The following CDHR1 variants were observed in gnomAD, a reference collection of about 807,000 sequenced individuals.
CDHR1 encodes cadherin-related family member 1.
A neutral mutation model predicts 72.1 loss-of-function variants in CDHR1; 61 were observed. The observed-to-expected ratio is 0.85, with a 90% CI of 0.69 to 1.05. The LOEUF (loss-of-function observed/expected upper bound fraction) is 1.05, where lower values mean the gene tolerates loss of function less well. CDHR1 is among the 50% of genes least tolerant of loss of function. The pLI is 0.00. For missense variants in CDHR1, 1,186 were observed against 1,115.7 expected, an observed-to-expected ratio of 1.06 and a Z score of -0.90; for synonymous variants, 470 against 448.1, an observed-to-expected ratio of 1.05 and a Z score of -0.62.
rs145107347 is a variant in CDHR1, at chr10:84,196,348, G to T, written c.152-157G>T. Among the ~76,000 whole-genome samples, 483 of 152,346 alleles carry T rather than the reference G, an allele frequency of 3.2e-3. 1 individual carries two copies. The highest frequency in any genetic ancestry group is 5.6e-3 in the Non-Finnish European group (384 of 68,040). Reference sequence around the variant, plus strand: ...ACAAAGAGGGAAGCAGCCAGCAGGGGTGAGGCCAGCAATGAGCACCAAGTT... The same window carrying T: ...ACAAAGAGGGAAGCAGCCAGCAGGGTTGAGGCCAGCAATGAGCACCAAGTT... On this transcript the variant is annotated intron_variant, in intron 2 of 16. Transcript: ENST00000623527.
chr10:84,202,432 C>A (rs1479917161), intron 7 of CDHR1, among the ~76,000 whole-genome samples: 1 of 152,238 alleles, frequency 6.6e-6, no homozygotes, highest in African/African-American at 2.4e-5. Context: ...AAAACCCTAG[C>A]AGCCCCTCTA....
intron 8 of CDHR1, 53 bp from the exon 9 acceptor site, chr10:84,204,473 AG>A: frequency 8.3e-7 from 1 of 1,209,734 alleles, no homozygotes; most frequent in Non-Finnish European, 1.2e-6. Flanking sequence ...TTGTTTGGGG[AG>A]GGGAGGGTCC....
chr10:84,214,758 A>G lies in CDHR1; in HGVS notation c.*137A>G. 6.4e-7 allele frequency: 1 copy of G among 1,564,788 alleles called. No homozygotes were observed. The highest frequency in any genetic ancestry group is 8.6e-7 in the Non-Finnish European group (1 of 1,163,156). On this transcript the variant is annotated 3_prime_UTR_variant, in exon 17 of 17. Coordinates refer to ENST00000623527, the MANE Select transcript of CDHR1 (RefSeq NM_033100.4). Reference sequence around the variant, plus strand: ...CAATGGTATAATCCCCACTGTCCTCATCTCTACCGCCACCTTCTGGCGCAA... The same window carrying G: ...CAATGGTATAATCCCCACTGTCCTCGTCTCTACCGCCACCTTCTGGCGCAA...
rs144302622 is a variant in CDHR1 at position 84,208,278 on chromosome 10, G to C, written c.1068G>C (p.Glu356Asp). The change falls in exon 11 of 17, where the codon GAG (glutamate) becomes GAC (aspartate). Residue 356 changes from glutamate to aspartate, a missense_variant. Physicochemically the swap from Glu to Asp is conservative, Grantham distance 45. Transcript: ENST00000623527. ...LNNHPPTFYG[E>D]SGPQNRFELS... ...ACCACCCGCCAACATTCTATGGAGA[G>C]AGCGGACCCCAAAACAGGTTTGAGC... The C allele has an allele frequency of 8.7e-6, 14 of 1,614,024 alleles. No homozygotes were observed. The highest frequency in any genetic ancestry group is 1.6e-4 in the Middle Eastern group (1 of 6,084).
At chr10:84,196,384 C>A in intron 2 of CDHR1, 121 bp from the exon 3 acceptor site, 1 of 1,077,520 alleles carries the variant, frequency 9.3e-7, no homozygotes, top group Non-Finnish European at 1.4e-6. Context: ...CAGGGCAGTA[C>A]CTTTGGCACT....
Position 84,218,020 on chromosome 10 carries a change from G to A in CDHR1, c.*3399G>A, listed in dbSNP as rs1247549016. On this transcript the variant is annotated 3_prime_UTR_variant, in exon 17 of 17. Transcript: ENST00000623527. Reference sequence around the variant, plus strand: ...GGATTTCGGTGATTCTATTTTTAGGGACTGAAGGCGTTGAGGGAATCCAAG... The same window carrying A: ...GGATTTCGGTGATTCTATTTTTAGGAACTGAAGGCGTTGAGGGAATCCAAG... The A allele has an allele frequency of 1.0e-6, 1 of 985,402 alleles. No homozygotes were observed. The highest frequency in any genetic ancestry group is 1.2e-6 in the Non-Finnish European group (1 of 829,990). The allele number at this position is 985,402 out of a possible 1,614,324, so 61.0% of individuals were successfully genotyped here. A position where few individuals can be genotyped will look rare whatever the true frequency, so the allele number is the denominator to read the frequency against.
downstream of CDHR1, chr10:84,218,763 C>G (rs2132846790): frequency 1.0e-6 from 1 of 1,000,394 alleles, no homozygotes; most frequent in East Asian, 8.4e-5. Flanking sequence ...GCCCAGATAT[C>G]ATGTTATTAC....
chr10:84,201,091 T>G (rs1212579169), intron 6 of CDHR1, among the ~76,000 whole-genome samples: 1 of 152,226 alleles, frequency 6.6e-6, no homozygotes, highest in Non-Finnish European at 1.5e-5. Flanking sequence ...TCCCCTGGAC[T>G]GCACGGGTGC....
intron 8 of CDHR1, 62 bp from the exon 9 acceptor site, chr10:84,204,465 G>A: frequency 8.6e-7 from 1 of 1,158,500 alleles, no homozygotes; most frequent in South Asian, 1.2e-5. Context: ...TGGAGACATT[G>A]TTTGGGGAGG....
chr10:84,215,914 T>C lies in CDHR1; in HGVS notation c.*1293T>C, dbSNP rs1564667439. On this transcript the variant is annotated 3_prime_UTR_variant, in exon 17 of 17. Coordinates refer to ENST00000623527, the MANE Select transcript of CDHR1 (RefSeq NM_033100.4). ...CGTCAGAGAGAACCAGAGCTCCAAG[T>C]CTTTAATTTGCCAAGATGAAGAAAA... The C allele has an allele frequency of 1.0e-6, 1 of 985,300 alleles. No homozygotes were observed. Among genetic ancestry groups the C allele is most frequent in the Non-Finnish European group, 1.2e-6 (1 of 829,978 alleles). 61.0% of individuals were successfully genotyped at this position (985,300 alleles called of 1,614,324 possible).
Position 84,214,098 on chromosome 10 carries a change from C to T in CDHR1, c.2057C>T (p.Pro686Leu), listed in dbSNP as rs1842384564. 1 of 1,614,216 alleles carries T rather than the reference C, an allele frequency of 6.2e-7. No individual in the cohort carries two copies. The highest frequency in any genetic ancestry group is 1.3e-5 in the African/African-American group (1 of 75,060). The change falls in exon 17 of 17, where the codon CCC (proline) becomes CTC (leucine). Residue 686 changes from proline (P) to leucine (L), a missense_variant. Pro to Leu is a moderately conservative substitution (Grantham distance 98, BLOSUM62 -3). Transcript: ENST00000623527. ...ITDAETLSRS[P>L]MAAFLIQTKD... ...CTCTTTCAGACCCTCTCCCGGAGCC[C>T]CATGGCTGCCTTCCTGATACAGACC...
At chr10:84,206,549 G>T (rs1842229799) in intron 10 of CDHR1, among the ~76,000 whole-genome samples, 2 of 152,224 alleles carry the variant, frequency 1.3e-5, no homozygotes, top group Admixed American at 1.3e-4. Context: ...AAATTATGTA[G>T]CTGGTCCTAC....
chr10:84,209,233 T>G (rs1842285445), intron 12 of CDHR1, among the ~76,000 whole-genome samples: 1 of 152,176 alleles, frequency 6.6e-6, no homozygotes, highest in Non-Finnish European at 1.5e-5. Flanking sequence ...CAATCTTAGC[T>G]GAAGAGGAAA....
chr10:84,210,707 G>A (rs1372000508), intron 12 of CDHR1, among the ~76,000 whole-genome samples: 1 of 152,150 alleles, frequency 6.6e-6, no homozygotes, highest in African/African-American at 2.4e-5. Context: ...AAACTTATAA[G>A]AATAGTTAAG....
intron 10 of CDHR1, 72 bp downstream of exon 10, chr10:84,205,999 G>C (rs1842219771): frequency 8.5e-7 from 1 of 1,181,404 alleles, no homozygotes. Flanking sequence ...AAGACACCCA[G>C]GCCCTTTTTC....
chr10:84,209,368 A>G (rs1842287911), intron 12 of CDHR1, among the ~76,000 whole-genome samples: 1 of 152,196 alleles, frequency 6.6e-6, no homozygotes, highest in Admixed American at 6.5e-5. Context: ...CACTATTAAA[A>G]TTATCTTATT....
rs762749342 is a variant in CDHR1, at chr10:84,203,073, G to C, written c.733G>C (p.Val245Leu). ...GGAGGATGTTCAGGACATGGCCCCT[G>C]TCTTCGTGGGCACACCCTACTATGG... ...NVEDVQDMAP[V>L]FVGTPYYGYV... The change falls in exon 8 of 17, where the codon GTC becomes CTC. Residue 245 changes from valine (V) to leucine (L), a missense_variant. Transcript: ENST00000623527. The C allele has an allele frequency of 6.2e-7, 1 of 1,614,234 alleles. No homozygotes were observed. Among genetic ancestry groups the C allele is most frequent in the South Asian group, 1.1e-5 (1 of 91,082 alleles).
chr10:84,214,161 G>C lies in CDHR1; in HGVS notation c.2120G>C (p.Gly707Ala), dbSNP rs1395358747. Reference sequence around the variant, plus strand: ...ATGAAGGCCGTGGGTGTGCTGGCCGGCACCATGGCCACCGTCGTGGCCATC... The same window carrying C: ...ATGAAGGCCGTGGGTGTGCTGGCCGCCACCATGGCCACCGTCGTGGCCATC... Reference protein sequence around the residue: ...NPMKAVGVLAGTMATVVAITV... With the variant: ...NPMKAVGVLAATMATVVAITV... Residue 707 changes from glycine to alanine, a missense_variant, in exon 17 of 17, where the codon GGC becomes GCC. Transcript: ENST00000623527. 6 of 1,613,992 alleles carry C rather than the reference G, an allele frequency of 3.7e-6. No individual in the cohort carries two copies. In the Admixed American group the frequency reaches 1.0e-4, roughly 27 times the overall value.
In CDHR1 at chr10:84,214,735, A is replaced by G; in HGVS notation, c.*114A>G. 5.7e-6 allele frequency: 9 copies of G among 1,566,936 alleles called. No individual in the cohort carries two copies. The highest frequency in any genetic ancestry group is 2.3e-5 in the East Asian group (1 of 43,624). On this transcript the variant is annotated 3_prime_UTR_variant, in exon 17 of 17. Transcript: ENST00000623527. ...AGGTCACTGACCCCTGTTTTGCACA[A>G]TGGTATAATCCCCACTGTCCTCATC... is the stretch of plus-strand genomic sequence containing the variant.
Sources: gnomAD v4.1 joint callset for allele counts (sites outside exome capture counted in the v4.1 genomes callset) on GRCh38, gnomAD v4.1.1 for gene constraint, MANE v1.5 for transcripts, NCBI Gene and HGNC (gene_info 2026-07-23, HGNC 2026-07-21) for gene names.